Variants in SPOCK1 observed in about 807,000 individuals in gnomAD.
SPOCK1 encodes the protein SPARC (osteonectin), cwcv and kazal like domains proteoglycan 1.
Under a neutral mutation model 55.3 loss-of-function variants are expected in SPOCK1, and 23 were observed. That is an observed-to-expected ratio of 0.42 (90% CI 0.30 to 0.59). SPOCK1 has a LOEUF of 0.59. SPOCK1 is among the 20% of genes least tolerant of loss of function. SPOCK1 has a pLI of 0.22. For synonymous variants in SPOCK1, 226 were observed against 221.0 expected (o/e 1.02, Z -0.20); for missense variants, 499 against 552.5 (o/e 0.90, Z 0.97).
chr5:137,170,361 G>T (rs938734583), intron 3 of SPOCK1, among the ~76,000 whole-genome samples: 1 of 152,136 alleles, frequency 6.6e-6, no homozygotes, highest in Non-Finnish European at 1.5e-5. Context: ...ACTGGACCAA[G>T]CACTCCACAA....
At chr5:137,343,709 T>G (rs1750490100) in intron 2 of SPOCK1, among the ~76,000 whole-genome samples, 1 of 152,258 alleles carries the variant, frequency 6.6e-6, no homozygotes, top group Non-Finnish European at 1.5e-5. Flanking sequence ...AGTCAATCCC[T>G]TCTACAATAC....
At chr5:137,407,793 T>A (rs1038628618) in intron 2 of SPOCK1, among the ~76,000 whole-genome samples, 1 of 152,184 alleles carries the variant, frequency 6.6e-6, no homozygotes, top group Non-Finnish European at 1.5e-5. Context: ...AGCAGAGCCA[T>A]AGAGACAGAG....
chr5:137,481,915 T>G (rs1010669634), intron 2 of SPOCK1, among the ~76,000 whole-genome samples: 1 of 151,946 alleles, frequency 6.6e-6, no homozygotes, highest in Non-Finnish European at 1.5e-5. Context: ...TAGCTTAGAA[T>G]TGCTCAGGAG....
intron 5 of SPOCK1, among the ~76,000 whole-genome samples, chr5:137,090,373 C>A (rs1433967189): frequency 6.6e-6 from 1 of 152,088 alleles, no homozygotes; most frequent in Non-Finnish European, 1.5e-5. Flanking sequence ...AGAATTTTAC[C>A]CTGGGCTCTG....
At chr5:137,144,197 A>C (rs1020035285) in intron 3 of SPOCK1, among the ~76,000 whole-genome samples, 1 of 152,072 alleles carries the variant, frequency 6.6e-6, no homozygotes, top group Non-Finnish European at 1.5e-5. Context: ...CTCTGAATGC[A>C]GCCATCCCCC....
At chr5:137,336,325 C>T (rs1488303866) in intron 2 of SPOCK1, among the ~76,000 whole-genome samples, 1 of 152,340 alleles carries the variant, frequency 6.6e-6, no homozygotes, top group African/African-American at 2.4e-5. Context: ...GCCTGGTTTG[C>T]ATTCCAGAAC....
chr5:137,131,614 A>AT (rs1379637461), intron 4 of SPOCK1, among the ~76,000 whole-genome samples: 1 of 138,386 alleles, frequency 7.2e-6, no homozygotes, highest in Non-Finnish European at 1.6e-5. Flanking sequence ...TCTCAAAAAA[A>AT]TAAAAAAAAG....
chr5:137,435,447 G>A (rs570041389), intron 2 of SPOCK1, among the ~76,000 whole-genome samples: 2 of 141,550 alleles, frequency 1.4e-5, no homozygotes, highest in East Asian at 4.0e-4. Flanking sequence ...TTAACTTTCA[G>A]TGAATTTCTT....
intron 3 of SPOCK1, among the ~76,000 whole-genome samples, chr5:137,233,031 C>G (rs1214916443): frequency 6.6e-6 from 1 of 152,186 alleles, no homozygotes; most frequent in Admixed American, 6.5e-5. Flanking sequence ...GGACTCCTTT[C>G]TAGACCTGCA....
intron 3 of SPOCK1, among the ~76,000 whole-genome samples, chr5:137,224,279 G>A (rs1218110341): frequency 1.3e-5 from 2 of 152,234 alleles, no homozygotes; most frequent in Non-Finnish European, 2.9e-5. Flanking sequence ...ATCACTGGAT[G>A]TCTCCAATAT....
At chr5:137,382,477 C>G (rs1751493003) in intron 2 of SPOCK1, among the ~76,000 whole-genome samples, 1 of 152,182 alleles carries the variant, frequency 6.6e-6, no homozygotes. Context: ...CTACCTGAGA[C>G]TAGGTAATTA....
Position 137,484,219 on chromosome 5 carries a change from G to A in SPOCK1, c.186+14154C>T, listed in dbSNP as rs929482426. On this transcript the variant is annotated intron_variant, in intron 2 of 10. Transcript: ENST00000394945. The stretch of plus-strand genomic sequence containing the variant: ...ACTTAAAATCCAGCTTGGAGCATCT[G>A]CTCCTGCTCCTAATTAGGAACAAGG... 3.3e-5 allele frequency among the ~76,000 whole-genome samples: 5 copies of A among 152,314 alleles called. No homozygotes were observed. In the South Asian group the frequency reaches 8.3e-4, roughly 25 times the overall value.
intron 3 of SPOCK1, among the ~76,000 whole-genome samples, chr5:137,222,912 G>GATAC (rs1290662062): frequency 6.6e-6 from 1 of 151,972 alleles, no homozygotes; most frequent in Admixed American, 6.6e-5. Context: ...CATCTAAACA[G>GATAC]ATACACAGTA....
intron 2 of SPOCK1, among the ~76,000 whole-genome samples, chr5:137,316,673 C>T (rs1757885350): frequency 6.6e-6 from 1 of 152,186 alleles, no homozygotes; most frequent in South Asian, 2.1e-4. Context: ...CAAGTTAAAC[C>T]TTATTCTAAC....
At chr5:137,210,861 G>C (rs1755597973) in intron 3 of SPOCK1, among the ~76,000 whole-genome samples, 1 of 152,206 alleles carries the variant, frequency 6.6e-6, no homozygotes, top group Non-Finnish European at 1.5e-5. Context: ...CAGTAAACTT[G>C]GCCGCATGAC....
chr5:137,228,923 C>T (rs1340581480), intron 3 of SPOCK1, among the ~76,000 whole-genome samples: 1 of 152,236 alleles, frequency 6.6e-6, no homozygotes, highest in African/African-American at 2.4e-5. Context: ...CCGCATTGGT[C>T]TTGATTCATG....
intron 2 of SPOCK1, among the ~76,000 whole-genome samples, chr5:137,303,270 C>T (rs966636248): frequency 1.1e-4 from 17 of 152,182 alleles, no homozygotes; most frequent in African/African-American, 1.4e-4. Context: ...TGTGATATGT[C>T]AGACCCTCTT....
intron 6 of SPOCK1, among the ~76,000 whole-genome samples, chr5:137,037,421 C>A (rs1561587088): frequency 6.6e-6 from 1 of 151,400 alleles, no homozygotes; most frequent in Non-Finnish European, 1.5e-5. Context: ...AGCAAACCTT[C>A]CTCTGTAGTC....
At chr5:137,344,859 A>AT (rs1750521968) in intron 2 of SPOCK1, among the ~76,000 whole-genome samples, 1 of 152,182 alleles carries the variant, frequency 6.6e-6, no homozygotes, top group Admixed American at 6.5e-5. Flanking sequence ...TCCCCAAGGG[A>AT]TTTTGATGCA....
Sources: allele counts gnomAD v4.1 joint callset (sites outside exome capture counted in the v4.1 genomes callset), GRCh38; gene constraint gnomAD v4.1.1; transcripts MANE v1.5; gene names NCBI Gene and HGNC (gene_info 2026-07-23, HGNC 2026-07-21).